Variants in C1QTNF7 observed in about 807,000 individuals in gnomAD.
C1QTNF7 encodes C1q and TNF related 7.
C1QTNF7 carries 15 observed loss-of-function variants against 19.6 expected under a neutral mutation model. The observed-to-expected ratio is 0.76, with a 90% CI of 0.51 to 1.18. C1QTNF7 has a LOEUF of 1.18. Ranked by LOEUF, C1QTNF7 falls within the 50% of genes most tolerant of loss-of-function variation. The pLI, the probability that C1QTNF7 is intolerant of heterozygous loss-of-function variation, is 0.00. For missense variants in C1QTNF7, 324 were observed against 359.7 expected (o/e 0.90, Z 0.80); for synonymous variants, 142 against 137.5 (o/e 1.03, Z -0.23).
At chr4:15,341,945 C>T (rs927114934) in intron 1 of C1QTNF7, among the ~76,000 whole-genome samples, 8 of 152,242 alleles carry the variant, frequency 5.3e-5, no homozygotes, top group African/African-American at 1.9e-4. Flanking sequence ...TGGAGGCTGG[C>T]GGCATCTCTG....
At chr4:15,341,797 G>A (rs969384737) in intron 1 of C1QTNF7, among the ~76,000 whole-genome samples, 3 of 152,220 alleles carry the variant, frequency 2.0e-5, no homozygotes, top group African/African-American at 7.2e-5. Flanking sequence ...CCTCATCGCA[G>A]GCAGCTCTAG....
In C1QTNF7 at chr4:15,421,177, A is replaced by G. The variant is rs142793510; in HGVS notation, c.14-14559A>G. On this transcript the variant is annotated intron_variant, in intron 1 of 2. Transcript: ENST00000295297. ...CACCAAAATGTTCAAATAGACCGAG[A>G]TGACTGAAAAAAAAAGAGAGTTGAA... Among the ~76,000 whole-genome samples the G allele has an allele frequency of 4.4e-3, 664 of 152,126 alleles. 3 individuals carry two copies. Among genetic ancestry groups the G allele is most frequent in the African/African-American group, 0.015 (622 of 41,478 alleles).
chr4:15,366,905 A>G (rs139262380), intron 1 of C1QTNF7, among the ~76,000 whole-genome samples: 2 of 152,284 alleles, frequency 1.3e-5, no homozygotes, highest in African/African-American at 4.8e-5. Context: ...AGGAATGGAA[A>G]AATTGGGGGG....
At chr4:15,353,854 G>C (rs1448647675) in intron 1 of C1QTNF7, among the ~76,000 whole-genome samples, 2 of 151,910 alleles carry the variant, frequency 1.3e-5, no homozygotes, top group Non-Finnish European at 2.9e-5. Flanking sequence ...TGTTTAAAAT[G>C]TGTTTAAATT....
upstream of C1QTNF7, among the ~76,000 whole-genome samples, chr4:15,423,576 C>T (rs1161458502): frequency 6.6e-6 from 1 of 152,216 alleles, no homozygotes; most frequent in Non-Finnish European, 1.5e-5. Flanking sequence ...CAGCCTGGTT[C>T]ATGAAATCCC....
At chr4:15,349,179 A>G (rs1372375044) in intron 1 of C1QTNF7, among the ~76,000 whole-genome samples, 1 of 152,220 alleles carries the variant, frequency 6.6e-6, no homozygotes, top group Non-Finnish European at 1.5e-5. Context: ...ACATTTCCCC[A>G]GAGTGGGGCA....
At chr4:15,385,170 C>T (rs1411217317) in intron 1 of C1QTNF7, among the ~76,000 whole-genome samples, 3 of 152,332 alleles carry the variant, frequency 2.0e-5, no homozygotes, top group Middle Eastern at 3.4e-3. Context: ...ACTAAGCGCT[C>T]ACCAAGTACC....
At chr4:15,401,453 T>C (rs963892246) in intron 1 of C1QTNF7, among the ~76,000 whole-genome samples, 2 of 152,176 alleles carry the variant, frequency 1.3e-5, no homozygotes, top group African/African-American at 4.8e-5. Context: ...CTCTGCACTG[T>C]TGTTGGCCAA....
chr4:15,386,828 G>A (rs1718353683), intron 1 of C1QTNF7, among the ~76,000 whole-genome samples: 1 of 152,162 alleles, frequency 6.6e-6, no homozygotes, highest in African/African-American at 2.4e-5. Flanking sequence ...CAGAGTTGAA[G>A]AAGTAGAATA....
intron 1 of C1QTNF7, among the ~76,000 whole-genome samples, chr4:15,383,291 G>A (rs986148533): frequency 2.0e-5 from 3 of 152,268 alleles, no homozygotes; most frequent in Admixed American, 1.3e-4. Context: ...GTGTTGCTAG[G>A]TTCAGGGCAG....
At chr4:15,377,850 G>A (rs995627068) in intron 1 of C1QTNF7, among the ~76,000 whole-genome samples, 8 of 152,124 alleles carry the variant, frequency 5.3e-5, no homozygotes, top group African/African-American at 1.9e-4. Context: ...AAACAACTTA[G>A]CACCGCAACT....
chr4:15,350,464 C>T (rs1398068770), intron 1 of C1QTNF7, among the ~76,000 whole-genome samples: 1 of 151,954 alleles, frequency 6.6e-6, no homozygotes, highest in East Asian at 1.9e-4. Flanking sequence ...TACTCATTTT[C>T]TTCCCCTCTG....
At chr4:15,399,145 C>T (rs1183516797) in intron 1 of C1QTNF7, among the ~76,000 whole-genome samples, 3 of 152,220 alleles carry the variant, frequency 2.0e-5, no homozygotes, top group Non-Finnish European at 1.5e-5. Flanking sequence ...ACTCTCCCAA[C>T]TCCTGAGATC....
intron 1 of C1QTNF7, among the ~76,000 whole-genome samples, chr4:15,376,243 T>A (rs1199595484): frequency 6.6e-6 from 1 of 152,256 alleles, no homozygotes; most frequent in Non-Finnish European, 1.5e-5. Flanking sequence ...ACTGACTGTC[T>A]GAGCTGTGCA....
chr4:15,443,134 A>T lies in C1QTNF7; in HGVS notation c.*335A>T, dbSNP rs910085993. The T allele has an allele frequency of 1.2e-5, 2 of 172,146 alleles. No individual in the cohort carries two copies. The highest frequency in any genetic ancestry group is 3.2e-4 in the East Asian group (2 of 6,252). 10.7% of individuals were successfully genotyped at this position (172,146 alleles called of 1,614,324 possible). A position where few individuals can be genotyped will look rare whatever the true frequency, so the allele number is the denominator to read the frequency against. The stretch of plus-strand genomic sequence containing the variant: ...TATTGCCTTATTAAATCTTCAAAAA[A>T]TATATTTTAGTCTGTTATTTAAGAA... On this transcript the variant is annotated 3_prime_UTR_variant, in exon 3 of 3. Transcript: ENST00000444304.
At chr4:15,394,756 G>T (rs982205970) in intron 1 of C1QTNF7, among the ~76,000 whole-genome samples, 13 of 152,176 alleles carry the variant, frequency 8.5e-5, no homozygotes, top group African/African-American at 3.1e-4. Flanking sequence ...GGGGATCACA[G>T]GAGAGATGAT....
At chr4:15,353,982 C>G (rs887256614) in intron 1 of C1QTNF7, among the ~76,000 whole-genome samples, 1 of 152,142 alleles carries the variant, frequency 6.6e-6, no homozygotes, top group Non-Finnish European at 1.5e-5. Flanking sequence ...TGGGAATCCA[C>G]AACTTCAGTC....
At chr4:15,384,126 A>T (rs1718245012) in intron 1 of C1QTNF7, among the ~76,000 whole-genome samples, 1 of 152,182 alleles carries the variant, frequency 6.6e-6, no homozygotes, top group African/African-American at 2.4e-5. Context: ...TAAATTGGGG[A>T]TAGTAGGGAA....
At chr4:15,440,325 G>C (rs1367017356) in intron 2 of C1QTNF7, among the ~76,000 whole-genome samples, 5 of 151,600 alleles carry the variant, frequency 3.3e-5, no homozygotes, top group African/African-American at 1.2e-4. Context: ...AACCCCAAAG[G>C]TAAAAGGCAT....
Sources: gnomAD v4.1 joint callset for allele counts (sites outside exome capture counted in the v4.1 genomes callset) on GRCh38, gnomAD v4.1.1 for gene constraint, MANE v1.5 for transcripts, NCBI Gene and HGNC (gene_info 2026-07-23, HGNC 2026-07-21) for gene names.